Variants in LINGO2 observed in about 807,000 individuals in gnomAD.
The protein encoded by LINGO2 is leucine-rich repeat and immunoglobulin-like domain-containing nogo receptor-interacting protein 2.
A neutral mutation model predicts 30.6 loss-of-function variants in LINGO2; 14 were observed. The ratio of observed to expected loss-of-function variants is 0.46; its 90% CI spans 0.30 to 0.72. LINGO2 has a LOEUF of 0.72. Ranked by LOEUF, LINGO2 falls within the 30% of genes least tolerant of loss-of-function variation. The pLI is 0.07. For synonymous variants in LINGO2, 317 were observed against 288.5 expected (o/e 1.10, Z -1.00); for missense variants, 729 against 751.7 (o/e 0.97, Z 0.35).
At chr9:28,822,083 C>T in the LINGO2 span, among the ~76,000 whole-genome samples, 1 of 152,068 alleles carries the variant, frequency 6.6e-6, no homozygotes, top group African/African-American at 2.4e-5. Context: ...CATAGGTGGC[C>T]GAACTCTTTA....
chr9:28,689,212 G>T, the LINGO2 span, among the ~76,000 whole-genome samples: 17 of 152,244 alleles, frequency 1.1e-4, no homozygotes, highest in African/African-American at 3.6e-4. Context: ...CAGCTGTTAG[G>T]AGCTGAGGAG....
At chr9:28,842,487 C>T in the LINGO2 span, among the ~76,000 whole-genome samples, 21 of 151,848 alleles carry the variant, frequency 1.4e-4, no homozygotes, top group Admixed American at 5.9e-4. Flanking sequence ...ATTGTCATGC[C>T]TTCTTCAGGC....
chr9:28,761,679 G>C, the LINGO2 span, among the ~76,000 whole-genome samples: 2 of 151,860 alleles, frequency 1.3e-5, no homozygotes, highest in Non-Finnish European at 2.9e-5. Context: ...ATATCTTATA[G>C]TGATAACCTT....
At chr9:28,387,767 G>A (rs895769858) in intron 2 of LINGO2, among the ~76,000 whole-genome samples, 1 of 151,974 alleles carries the variant, frequency 6.6e-6, no homozygotes, top group Admixed American at 6.6e-5. Context: ...AACAACTCTG[G>A]ACGTACCACC....
the LINGO2 span, among the ~76,000 whole-genome samples, chr9:28,949,522 A>C: frequency 6.6e-6 from 1 of 152,166 alleles, no homozygotes; most frequent in East Asian, 1.9e-4. Flanking sequence ...GAAATGGATA[A>C]ATTCCTGAAC....
the LINGO2 span, among the ~76,000 whole-genome samples, chr9:29,170,261 C>T: frequency 1.3e-5 from 2 of 152,216 alleles, no homozygotes; most frequent in South Asian, 2.1e-4. Context: ...TGGAATACTA[C>T]TCAGCCATAA....
intron 1 of LINGO2, among the ~76,000 whole-genome samples, chr9:28,647,062 C>T (rs540059943): frequency 1.3e-5 from 2 of 152,180 alleles, no homozygotes; most frequent in South Asian, 4.1e-4. Flanking sequence ...CACAGGTATC[C>T]CTTTCTCACT....
chr9:28,839,064 T>A, the LINGO2 span, among the ~76,000 whole-genome samples: 1 of 152,208 alleles, frequency 6.6e-6, no homozygotes, highest in Non-Finnish European at 1.5e-5. Flanking sequence ...TACTAGGAAC[T>A]GTGGAGTCCC....
At chr9:29,210,317 A>G in the LINGO2 span, among the ~76,000 whole-genome samples, 10 of 152,190 alleles carry the variant, frequency 6.6e-5, no homozygotes, top group Non-Finnish European at 1.5e-5. Context: ...CTTATACATC[A>G]TATACACAGA....
chr9:29,069,351 C>T, the LINGO2 span, among the ~76,000 whole-genome samples: 2 of 151,868 alleles, frequency 1.3e-5, no homozygotes, highest in African/African-American at 4.8e-5. Flanking sequence ...AAATGGATAT[C>T]AATTAGTATT....
At chr9:28,747,628 C>G in the LINGO2 span, among the ~76,000 whole-genome samples, 1 of 152,218 alleles carries the variant, frequency 6.6e-6, no homozygotes, top group South Asian at 2.1e-4. Context: ...TCTGCATGCT[C>G]CCTCTCCCAT....
chr9:28,553,039 C>T (rs1231255593), intron 1 of LINGO2, among the ~76,000 whole-genome samples: 1 of 151,918 alleles, frequency 6.6e-6, no homozygotes, highest in Non-Finnish European at 1.5e-5. Flanking sequence ...GTATAACATG[C>T]TTTCTTCAAA....
At chr9:28,389,463 A>AT (rs1484406026) in intron 2 of LINGO2, among the ~76,000 whole-genome samples, 1 of 152,176 alleles carries the variant, frequency 6.6e-6, no homozygotes, top group African/African-American at 2.4e-5. Context: ...GCTGGGTTAG[A>AT]TCCCCACCTT....
chr9:29,192,947 C>G, the LINGO2 span, among the ~76,000 whole-genome samples: 6 of 152,298 alleles, frequency 3.9e-5, no homozygotes, highest in East Asian at 1.2e-3. Context: ...GTTGTGGTAT[C>G]TTAGAGGAAG....
chr9:29,069,438 T>G, the LINGO2 span, among the ~76,000 whole-genome samples: 1 of 151,526 alleles, frequency 6.6e-6, no homozygotes, highest in Admixed American at 6.6e-5. Flanking sequence ...ATATAATGTA[T>G]CTAGGTCCAA....
At chr9:28,184,495 A>T (rs1391732925) in intron 4 of LINGO2, among the ~76,000 whole-genome samples, 1 of 152,046 alleles carries the variant, frequency 6.6e-6, no homozygotes, top group African/African-American at 2.4e-5. Flanking sequence ...CGACTTAAAA[A>T]ATCCTACTGG....
At chr9:28,031,398 A>G (rs73441770) in intron 4 of LINGO2, among the ~76,000 whole-genome samples, 24,066 of 151,252 alleles carry the variant, frequency 0.16, 2,073 homozygotes, top group South Asian at 0.26. Context: ...ACATTGACAT[A>G]ATTATATTTA....
chr9:29,192,715 G>T, the LINGO2 span, among the ~76,000 whole-genome samples: 1 of 152,108 alleles, frequency 6.6e-6, no homozygotes, highest in Non-Finnish European at 1.5e-5. Flanking sequence ...TACTTTGTTT[G>T]ATTTTCTGTA....
At chr9:28,283,862 G>C (rs140983189) in intron 4 of LINGO2, among the ~76,000 whole-genome samples, 6 of 152,090 alleles carry the variant, frequency 3.9e-5, no homozygotes, top group African/African-American at 1.4e-4. Flanking sequence ...TTCAGGTACT[G>C]GTTACTTTTC....
Sources: gnomAD v4.1 joint callset for allele counts (sites outside exome capture counted in the v4.1 genomes callset) on GRCh38, gnomAD v4.1.1 for gene constraint, MANE v1.5 for transcripts, NCBI Gene and HGNC (gene_info 2026-07-23, HGNC 2026-07-21) for gene names.